Variants in KSR2 observed in about 807,000 individuals in gnomAD.
KSR2 encodes kinase suppressor of ras 2.
A neutral mutation model predicts 107.8 loss-of-function variants in KSR2; 25 were observed. The ratio of observed to expected loss-of-function variants is 0.23; its 90% CI spans 0.17 to 0.32. KSR2 has a LOEUF of 0.32. Among genes scored for constraint, KSR2 ranks in the 10% least tolerant of loss-of-function variants. The probability of loss-of-function intolerance (pLI) is 1.00; values close to 1 mark genes in which losing one functional copy is unlikely to be tolerated. For missense variants in KSR2, 887 were observed against 1,268.9 expected, an observed-to-expected ratio of 0.70 and a Z score of 4.57; for synonymous variants, 480 against 507.0, an observed-to-expected ratio of 0.95 and a Z score of 0.71.
intron 9 of KSR2, among the ~76,000 whole-genome samples, chr12:117,554,216 T>C (rs1877506314): frequency 6.6e-6 from 1 of 151,746 alleles, no homozygotes; most frequent in Non-Finnish European, 1.5e-5. Context: ...GCAGACCAAA[T>C]AAAGGATATG....
rs117957605 is a variant in KSR2 at position 117,554,902 on chromosome 12, C to T, written c.1518+267G>A. Among the ~76,000 whole-genome samples the T allele has an allele frequency of 6.4e-3, 982 of 152,272 alleles. 13 individuals carry two copies. The highest frequency in any genetic ancestry group is 0.042 in the East Asian group (217 of 5,174). On this transcript the variant is annotated intron_variant, in intron 9 of 19. Transcript: ENST00000339824. ...CTAAGGAAACTCCTTTTAAGTCTCT[C>T]CTCCCATCCGTTGTGCCTTCCTGGA...
intron 4 of KSR2, among the ~76,000 whole-genome samples, chr12:117,722,901 C>T (rs534948041): frequency 6.6e-6 from 1 of 152,326 alleles, no homozygotes; most frequent in Admixed American, 6.5e-5. Flanking sequence ...ATACTCCCCA[C>T]TCCATCCCAG....
intron 1 of KSR2, among the ~76,000 whole-genome samples, chr12:117,866,351 T>C (rs1474923781): frequency 1.3e-5 from 2 of 152,212 alleles, no homozygotes; most frequent in African/African-American, 2.4e-5. Flanking sequence ...CTGCTCTCTT[T>C]ATAACGGAGC....
chr12:117,755,746 C>T (rs946511806), intron 4 of KSR2, among the ~76,000 whole-genome samples: 1 of 152,160 alleles, frequency 6.6e-6, no homozygotes, highest in Non-Finnish European at 1.5e-5. Flanking sequence ...GAGGAAGATA[C>T]GTCAAAAGCC....
At position 117,618,124 on chromosome 12, in the gene KSR2, T is replaced by C. The variant is rs145837044; in HGVS notation, c.1172-35765A>G. The stretch of plus-strand genomic sequence containing the variant: ...TAATTTGTGTTTCTGGATGATGTTA[T>C]CTTTCTCCACAGAGGATTTAAATTT... On this transcript the variant is annotated intron_variant, in intron 5 of 19. Transcript: ENST00000339824. 5.9e-3 allele frequency among the ~76,000 whole-genome samples: 892 copies of C among 152,322 alleles called. 5 individuals are homozygous for C. The highest frequency in any genetic ancestry group is 7.5e-3 in the Non-Finnish European group (511 of 68,026).
At chr12:117,785,939 T>C (rs897748340) in intron 3 of KSR2, among the ~76,000 whole-genome samples, 1 of 152,156 alleles carries the variant, frequency 6.6e-6, no homozygotes, top group Non-Finnish European at 1.5e-5. Flanking sequence ...CCAAATTTTG[T>C]GAAAAACATA....
intron 1 of KSR2, among the ~76,000 whole-genome samples, chr12:117,967,579 GAGA>G (rs1435902805): frequency 1.3e-5 from 2 of 151,942 alleles, no homozygotes; most frequent in African/African-American, 4.8e-5. Context: ...AGAAGGCCAA[GAGA>G]AGAAGAGGTC....
intron 4 of KSR2, among the ~76,000 whole-genome samples, chr12:117,710,424 C>A (rs928588021): frequency 3.3e-5 from 5 of 152,172 alleles, no homozygotes; most frequent in African/African-American, 1.2e-4. Flanking sequence ...GGGCAGAAAG[C>A]TCTGTCCTGA....
At chr12:117,527,685 C>A (rs565257021) in intron 12 of KSR2, among the ~76,000 whole-genome samples, 1 of 152,172 alleles carries the variant, frequency 6.6e-6, no homozygotes, top group Non-Finnish European at 1.5e-5. Flanking sequence ...AGAATTGAAA[C>A]TGGCACGGCT....
intron 3 of KSR2, among the ~76,000 whole-genome samples, chr12:117,770,870 G>A (rs929068036): frequency 6.6e-6 from 1 of 151,506 alleles, no homozygotes; most frequent in Non-Finnish European, 1.5e-5. Flanking sequence ...CCAGCTACTC[G>A]GGAGGCTGAG....
chr12:117,486,835 C>T (rs1872492204), intron 14 of KSR2, among the ~76,000 whole-genome samples: 1 of 152,220 alleles, frequency 6.6e-6, no homozygotes, highest in Admixed American at 6.5e-5. Context: ...AATACTTAAC[C>T]CTGTAGTTGA....
At chr12:117,652,046 A>C (rs1168728886) in intron 5 of KSR2, among the ~76,000 whole-genome samples, 1 of 152,230 alleles carries the variant, frequency 6.6e-6, no homozygotes, top group Non-Finnish European at 1.5e-5. Context: ...ACTCTAAGTG[A>C]AGTAACTCAG....
intron 1 of KSR2, among the ~76,000 whole-genome samples, chr12:117,896,892 T>G (rs1210752316): frequency 6.6e-6 from 1 of 152,202 alleles, no homozygotes; most frequent in Non-Finnish European, 1.5e-5. Context: ...GAATGCAGTC[T>G]CCATCTTTAT....
At chr12:117,503,757 T>C (rs2137181373) in intron 14 of KSR2, among the ~76,000 whole-genome samples, 1 of 152,244 alleles carries the variant, frequency 6.6e-6, no homozygotes, top group East Asian at 1.9e-4. Context: ...CACTCAATAT[T>C]GACAATTATG....
chr12:117,831,471 G>A (rs1891963562), intron 3 of KSR2, among the ~76,000 whole-genome samples: 1 of 152,186 alleles, frequency 6.6e-6, no homozygotes, highest in African/African-American at 2.4e-5. Context: ...GGAACGCCAG[G>A]CACTTAATTC....
chr12:117,671,783 G>T (rs1446420542), intron 4 of KSR2, among the ~76,000 whole-genome samples: 2 of 152,198 alleles, frequency 1.3e-5, no homozygotes, highest in African/African-American at 4.8e-5. Context: ...GAATCTCTCA[G>T]CTCCTCCCAC....
intron 3 of KSR2, among the ~76,000 whole-genome samples, chr12:117,825,680 C>G (rs1461606045): frequency 1.3e-5 from 2 of 152,088 alleles, no homozygotes; most frequent in African/African-American, 4.8e-5. Flanking sequence ...TATTGTCTGT[C>G]TCCCTTGTTA....
intron 9 of KSR2, among the ~76,000 whole-genome samples, chr12:117,548,337 C>T (rs1341057585): frequency 6.6e-6 from 1 of 152,182 alleles, no homozygotes; most frequent in Non-Finnish European, 1.5e-5. Context: ...TCCTCTTCCT[C>T]CTTTTCCTCA....
intron 5 of KSR2, among the ~76,000 whole-genome samples, chr12:117,609,123 T>C (rs1041654071): frequency 6.6e-6 from 1 of 152,154 alleles, no homozygotes; most frequent in African/African-American, 2.4e-5. Context: ...TGGAACCAGG[T>C]GGCCTATAGA....
Sources: gnomAD v4.1 joint callset for allele counts (sites outside exome capture counted in the v4.1 genomes callset) on GRCh38, gnomAD v4.1.1 for gene constraint, MANE v1.5 for transcripts, NCBI Gene and HGNC (gene_info 2026-07-23, HGNC 2026-07-21) for gene names.